DLC1: variants seen among roughly 807,000 people sequenced by gnomAD.
DLC1 encodes rho GTPase-activating protein 7.
Under a neutral mutation model 140.3 loss-of-function variants are expected in DLC1, and 54 were observed. That is an observed-to-expected ratio of 0.38 (90% CI 0.31 to 0.48). DLC1 has a LOEUF of 0.48. Ranked by LOEUF, DLC1 falls within the 20% of genes least tolerant of loss-of-function variation. The pLI is 0.96. For missense variants in DLC1, 2,536 were observed against 1,907.0 expected, an observed-to-expected ratio of 1.33 and a Z score of -6.14; for synonymous variants, 986 against 728.1, an observed-to-expected ratio of 1.35 and a Z score of -5.70.
chr8:13,305,122 A>G (rs1282537072), intron 5 of DLC1, 147 bp downstream of exon 5: 1 of 1,340,614 alleles, frequency 7.5e-7, no homozygotes, highest in Non-Finnish European at 9.6e-7. Context: ...ATTGAGCAAA[A>G]CAAATTTCTT....
At chr8:13,394,942 C>T (rs1005013511) in intron 3 of DLC1, among the ~76,000 whole-genome samples, 4 of 151,948 alleles carry the variant, frequency 2.6e-5, no homozygotes, top group African/African-American at 4.8e-5. Flanking sequence ...ACTTCACTCC[C>T]TTCAACCTCT....
intron 3 of DLC1, among the ~76,000 whole-genome samples, chr8:13,399,223 C>G (rs989663653): frequency 2.6e-5 from 4 of 152,166 alleles, no homozygotes; most frequent in Admixed American, 1.3e-4. Context: ...AGAACATGCT[C>G]TGACTGTCTG....
chr8:13,182,033 C>T (rs1261625337), intron 5 of DLC1, among the ~76,000 whole-genome samples: 1 of 152,162 alleles, frequency 6.6e-6, no homozygotes, highest in East Asian at 1.9e-4. Flanking sequence ...TCCATTCTAA[C>T]TGGTGTGAGA....
chr8:13,138,316 A>G (rs907287201), intron 5 of DLC1, among the ~76,000 whole-genome samples: 1 of 152,210 alleles, frequency 6.6e-6, no homozygotes, highest in African/African-American at 2.4e-5. Context: ...CAGAACCCCT[A>G]TAATTTTATA....
intron 4 of DLC1, among the ~76,000 whole-genome samples, chr8:13,372,930 C>G (rs1416287774): frequency 6.6e-6 from 1 of 152,188 alleles, no homozygotes. Context: ...CCAGCATCCA[C>G]CAGGGGTTGG....
chr8:13,353,630 G>A (rs1488005391), intron 4 of DLC1: 3 of 152,234 alleles, frequency 2.0e-5, no homozygotes, highest in African/African-American at 7.2e-5. Context: ...GCAGAGACGG[G>A]CGGCTCACCT....
intron 2 of DLC1, among the ~76,000 whole-genome samples, chr8:13,470,188 G>C (rs1166759277): frequency 6.6e-6 from 1 of 152,072 alleles, no homozygotes; most frequent in East Asian, 1.9e-4. Context: ...TGTCTTATCT[G>C]ACTACATAAG....
intron 1 of DLC1, among the ~76,000 whole-genome samples, chr8:13,571,040 T>C (rs1326284929): frequency 2.0e-5 from 3 of 152,206 alleles, no homozygotes; most frequent in Admixed American, 6.5e-5. Flanking sequence ...CTTTAACCAA[T>C]ACAACTTTAT....
intron 5 of DLC1, among the ~76,000 whole-genome samples, chr8:13,283,563 A>T (rs997843444): frequency 2.0e-5 from 3 of 152,070 alleles, no homozygotes; most frequent in Admixed American, 6.6e-5. Context: ...TTGCCCAGGC[A>T]GGAGTGTAGT....
At chr8:13,547,895 C>G (rs934472631) in intron 1 of DLC1, among the ~76,000 whole-genome samples, 1 of 114 alleles carries the variant, frequency 8.8e-3, no homozygotes, top group African/African-American at 0.038. Context: ...CTTGGAATCT[C>G]TCTTTTTTCT....
intron 3 of DLC1, among the ~76,000 whole-genome samples, chr8:13,397,779 T>G (rs1416455738): frequency 6.6e-6 from 1 of 151,550 alleles, no homozygotes; most frequent in Non-Finnish European, 1.5e-5. Flanking sequence ...GAGGCCACAG[T>G]GAGTTATTGT....
chr8:13,379,306 A>T (rs1836144456), intron 4 of DLC1, among the ~76,000 whole-genome samples: 1 of 152,152 alleles, frequency 6.6e-6, no homozygotes, highest in Non-Finnish European at 1.5e-5. Flanking sequence ...AACAGTGCAG[A>T]TGCTCCTTGA....
At chr8:13,485,380 A>G (rs756156869) in intron 2 of DLC1, among the ~76,000 whole-genome samples, 4 of 152,182 alleles carry the variant, frequency 2.6e-5, no homozygotes, top group African/African-American at 9.7e-5. Flanking sequence ...TTGTTTGAAC[A>G]TGCACTTCTT....
intron 5 of DLC1, among the ~76,000 whole-genome samples, chr8:13,143,265 G>T (rs1357562646): frequency 6.6e-6 from 1 of 151,482 alleles, no homozygotes; most frequent in Non-Finnish European, 1.5e-5. Flanking sequence ...TCAAATAGGT[G>T]GTATGATACT....
intron 5 of DLC1, among the ~76,000 whole-genome samples, chr8:13,203,646 C>G (rs1827509845): frequency 6.6e-6 from 1 of 152,112 alleles, no homozygotes; most frequent in Admixed American, 6.6e-5. Context: ...TACGAATGTC[C>G]TCCCCCTCCC....
At chr8:13,153,423 A>G (rs946860190) in intron 5 of DLC1, among the ~76,000 whole-genome samples, 2 of 152,210 alleles carry the variant, frequency 1.3e-5, no homozygotes, top group Non-Finnish European at 2.9e-5. Flanking sequence ...CGCAGTGTGG[A>G]CCCAAAGAGC....
At chr8:13,572,570 A>T (rs1192793242) in intron 1 of DLC1, among the ~76,000 whole-genome samples, 3 of 152,184 alleles carry the variant, frequency 2.0e-5, no homozygotes, top group Non-Finnish European at 4.4e-5. Flanking sequence ...ATCTAAGATC[A>T]TGCAAGTTTG....
intron 5 of DLC1, among the ~76,000 whole-genome samples, chr8:13,292,475 A>G (rs1054270320): frequency 3.3e-5 from 5 of 152,190 alleles, no homozygotes; most frequent in Admixed American, 2.6e-4. Context: ...TTCTGGATAT[A>G]ATAAGCCAGC....
At chr8:13,105,220 C>A (rs1428880962) in intron 7 of DLC1, among the ~76,000 whole-genome samples, 1 of 152,170 alleles carries the variant, frequency 6.6e-6, no homozygotes, top group African/African-American at 2.4e-5. Flanking sequence ...ATGTTGGTAG[C>A]ACCCAGCTAA....
Sources: allele counts gnomAD v4.1 joint callset (sites outside exome capture counted in the v4.1 genomes callset), GRCh38; gene constraint gnomAD v4.1.1; transcripts MANE v1.5; gene names NCBI Gene and HGNC (gene_info 2026-07-23, HGNC 2026-07-21).